NFIL3: variants seen among roughly 807,000 people sequenced by gnomAD.
The protein encoded by NFIL3 is nuclear factor interleukin-3-regulated protein.
A neutral mutation model predicts 10.0 loss-of-function variants in NFIL3; 5 were observed. The ratio of observed to expected loss-of-function variants is 0.50; its 90% CI spans 0.26 to 1.06. NFIL3 has a LOEUF of 1.06. Among genes scored for constraint, NFIL3 ranks in the 50% least tolerant of loss-of-function variants. The pLI, the probability that NFIL3 is intolerant of heterozygous loss-of-function variation, is 0.13. For synonymous variants in NFIL3, 202 were observed against 206.5 expected, an observed-to-expected ratio of 0.98 and a Z score of 0.19; for missense variants, 436 against 547.6, an observed-to-expected ratio of 0.80 and a Z score of 2.03.
chr9:91,464,618 T>G, the NFIL3 span, among the ~76,000 whole-genome samples: 1 of 152,122 alleles, frequency 6.6e-6, no homozygotes, highest in East Asian at 1.9e-4. Context: ...GCAGCTCCAC[T>G]CTTTATGCAG....
the NFIL3 span, among the ~76,000 whole-genome samples, chr9:91,482,072 G>A: frequency 4.6e-5 from 7 of 152,234 alleles, no homozygotes; most frequent in Non-Finnish European, 7.4e-5. Flanking sequence ...AGGAATAACC[G>A]CAACTGTTTT....
chr9:91,473,577 G>A, the NFIL3 span, among the ~76,000 whole-genome samples: 1 of 152,252 alleles, frequency 6.6e-6, no homozygotes, highest in Non-Finnish European at 1.5e-5. Flanking sequence ...CACACTATTA[G>A]GGCGGGAGTG....
chr9:91,439,531 C>T, the NFIL3 span, among the ~76,000 whole-genome samples: 2 of 152,038 alleles, frequency 1.3e-5, no homozygotes, highest in Non-Finnish European at 2.9e-5. Flanking sequence ...ATTGCTCTTG[C>T]TAACTTCCAG....
chr9:91,473,737 T>C, the NFIL3 span, among the ~76,000 whole-genome samples: 4 of 152,176 alleles, frequency 2.6e-5, no homozygotes, highest in Admixed American at 2.6e-4. Flanking sequence ...CCAGTCCCAG[T>C]GAGATGAACC....
the NFIL3 span, among the ~76,000 whole-genome samples, chr9:91,441,396 C>T: frequency 3.9e-5 from 6 of 152,038 alleles, no homozygotes; most frequent in Non-Finnish European, 8.8e-5. Flanking sequence ...CTATGTTTGT[C>T]CTTAAACCTA....
the NFIL3 span, among the ~76,000 whole-genome samples, chr9:91,430,480 T>G: frequency 6.6e-6 from 1 of 151,950 alleles, no homozygotes; most frequent in African/African-American, 2.4e-5. Flanking sequence ...ATGAGGATGG[T>G]GGGTTAAAAG....
Position 91,410,362 on chromosome 9 carries a change from T to G in NFIL3, c.373A>C (p.Lys125Gln), listed in dbSNP as rs1478049325. Residue 125 changes from lysine (K) to glutamine (Q), a missense_variant, in exon 2 of 2, where the codon AAG (lysine) becomes CAG (glutamine). Lys to Gln is a moderately conservative substitution (Grantham distance 53). Transcript: ENST00000297689. This position sits in a 1 kb window ranked among gnomAD's most constrained non-coding sequence, Gnocchi z 5.7. ...LKAELLSLKL[K>Q]FGLISSTAYA... ...GCTGTGGAGCTAATTAAACCAAACTTTAATTTTAGTGAAAGCAGCTCAGCT... is the reference window on the plus strand; with the variant it reads ...GCTGTGGAGCTAATTAAACCAAACTGTAATTTTAGTGAAAGCAGCTCAGCT... 1 of 1,613,970 alleles carries G rather than the reference T, an allele frequency of 6.2e-7. No homozygotes were observed. The highest frequency in any genetic ancestry group is 1.1e-5 in the South Asian group (1 of 91,016).
At chr9:91,448,890 G>T in the NFIL3 span, among the ~76,000 whole-genome samples, 4 of 151,992 alleles carry the variant, frequency 2.6e-5, no homozygotes, top group Non-Finnish European at 5.9e-5. Context: ...ATTAATTTTG[G>T]TCCTAATTTC....
At chr9:91,472,891 G>A in the NFIL3 span, among the ~76,000 whole-genome samples, 1 of 152,186 alleles carries the variant, frequency 6.6e-6, no homozygotes, top group Non-Finnish European at 1.5e-5. Flanking sequence ...GGATTTTGGT[G>A]TGAATGTCCT....
chr9:91,475,216 A>C, the NFIL3 span, among the ~76,000 whole-genome samples: 1 of 152,186 alleles, frequency 6.6e-6, no homozygotes, highest in South Asian at 2.1e-4. Flanking sequence ...CTTATAATCT[A>C]TCCATAGATT....
intron 1 of NFIL3, among the ~76,000 whole-genome samples, chr9:91,411,796 G>A (rs1487494124): frequency 1.3e-5 from 2 of 152,006 alleles, no homozygotes; most frequent in Non-Finnish European, 2.9e-5. Flanking sequence ...TTACATAGTA[G>A]CTTTGAACTA....
At chr9:91,423,004 T>C (rs1459361530) in intron 1 of NFIL3, among the ~76,000 whole-genome samples, 1 of 152,116 alleles carries the variant, frequency 6.6e-6, no homozygotes, top group Admixed American at 6.5e-5. Context: ...GATTATGCAA[T>C]GTATGAAAGG....
At chr9:91,455,864 A>T in the NFIL3 span, among the ~76,000 whole-genome samples, 3 of 152,198 alleles carry the variant, frequency 2.0e-5, no homozygotes, top group South Asian at 4.1e-4. Flanking sequence ...CAAAAATTTT[A>T]AAAATTGCAA....
At chr9:91,423,530 AGCCCGACCCCGCACACAGCGCG>A (rs1450214364) in intron 1 of NFIL3, 88 bp downstream of exon 1, 3 of 150,820 alleles carry the variant, frequency 2.0e-5, no homozygotes, top group Non-Finnish European at 3.0e-5. Context: ...CCCAGCTTAC[AGCCCGACCCCGCACACAGCGCG>A]GCCCGCACCC....
chr9:91,414,297 G>A (rs915950878), intron 1 of NFIL3, among the ~76,000 whole-genome samples: 1 of 152,226 alleles, frequency 6.6e-6, no homozygotes, highest in African/African-American at 2.4e-5. Context: ...TCTGCCTACA[G>A]GGTCCAAGCA....
chr9:91,465,259 T>A, the NFIL3 span, among the ~76,000 whole-genome samples: 2 of 152,286 alleles, frequency 1.3e-5, no homozygotes, highest in African/African-American at 4.8e-5. Context: ...CCAAAGTTCT[T>A]GGAGATTCAG....
At chr9:91,457,032 G>A in the NFIL3 span, among the ~76,000 whole-genome samples, 1 of 151,960 alleles carries the variant, frequency 6.6e-6, no homozygotes, top group African/African-American at 2.4e-5. Context: ...TAAAAGATAT[G>A]TGTGTGGTTC....
chr9:91,434,845 CA>C, the NFIL3 span, among the ~76,000 whole-genome samples: 19 of 151,932 alleles, frequency 1.3e-4, no homozygotes, highest in African/African-American at 4.1e-4. Flanking sequence ...AAAGCTATCG[CA>C]ATTAAAAAAA....
chr9:91,431,471 A>T, the NFIL3 span, among the ~76,000 whole-genome samples: 1 of 152,146 alleles, frequency 6.6e-6, no homozygotes, highest in South Asian at 2.1e-4. Context: ...ATATATTAAG[A>T]TGTTTCATCC....
Sources: gnomAD v4.1 joint callset for allele counts (sites outside exome capture counted in the v4.1 genomes callset) on GRCh38, gnomAD v4.1.1 for gene constraint, Gnocchi (gnomAD v3.1) non-coding constraint, MANE v1.5 for transcripts, NCBI Gene and HGNC (gene_info 2026-07-23, HGNC 2026-07-21) for gene names.